The following LSAMP variants were observed in gnomAD, a reference collection of about 807,000 sequenced individuals.
LSAMP encodes limbic system associated membrane protein.
In LSAMP, 7 loss-of-function variants were observed where a neutral mutation model predicts 38.6. The ratio of observed to expected loss-of-function variants is 0.18; its 90% CI spans 0.10 to 0.34. The LOEUF (loss-of-function observed/expected upper bound fraction) is 0.34. Ranked by LOEUF, LSAMP falls within the 10% of genes least tolerant of loss-of-function variation. LSAMP has a pLI of 1.00. For missense variants in LSAMP, 313 were observed against 420.0 expected (o/e 0.75, Z 2.23); for synonymous variants, 154 against 166.8 (o/e 0.92, Z 0.59).
At chr3:116,437,676 G>C (rs2049372634) in intron 1 of LSAMP, among the ~76,000 whole-genome samples, 1 of 151,416 alleles carries the variant, frequency 6.6e-6, no homozygotes, top group Non-Finnish European at 1.5e-5. Context: ...AGAAGGGAAG[G>C]GGAGAGGAGA....
chr3:116,012,064 C>T (rs1940344068), intron 3 of LSAMP, among the ~76,000 whole-genome samples: 2 of 152,166 alleles, frequency 1.3e-5, no homozygotes, highest in African/African-American at 4.8e-5. Context: ...AGGCTTTTGC[C>T]TGTATAGATA....
chr3:116,048,110 G>A (rs983369294), intron 2 of LSAMP, among the ~76,000 whole-genome samples: 2 of 152,176 alleles, frequency 1.3e-5, no homozygotes, highest in African/African-American at 4.8e-5. Context: ...TCTGCCAAAA[G>A]GATGAATTTG....
At chr3:116,209,402 G>T (rs1398317899) in intron 1 of LSAMP, among the ~76,000 whole-genome samples, 1 of 152,326 alleles carries the variant, frequency 6.6e-6, no homozygotes, top group South Asian at 2.1e-4. Context: ...AGCTGTTCCT[G>T]TTCAGCCATC....
intron 1 of LSAMP, among the ~76,000 whole-genome samples, chr3:116,439,482 G>A (rs1197140499): frequency 6.6e-6 from 1 of 151,782 alleles, no homozygotes; most frequent in Non-Finnish European, 1.5e-5. Context: ...TGGAGGTCAA[G>A]CAATCTGCTA....
chr3:115,852,675 T>C, intron 3 of LSAMP, 58 bp from the exon 4 acceptor site: 1 of 1,441,672 alleles, frequency 6.9e-7, no homozygotes, highest in Non-Finnish European at 9.3e-7. Flanking sequence ...CAGTAGATCC[T>C]CTCATTATTC....
chr3:115,903,303 C>T (rs185691879), intron 3 of LSAMP, among the ~76,000 whole-genome samples: 3 of 152,122 alleles, frequency 2.0e-5, no homozygotes, highest in East Asian at 1.9e-4. Context: ...CACATGAACA[C>T]GTAGAGGGGA....
intron 6 of LSAMP, among the ~76,000 whole-genome samples, chr3:115,820,185 G>A (rs1934184378): frequency 6.6e-6 from 1 of 152,030 alleles, no homozygotes; most frequent in Non-Finnish European, 1.5e-5. Context: ...GAACTGCATT[G>A]CCAGGGATAT....
At chr3:116,135,013 A>G (rs1709216959) in intron 1 of LSAMP, among the ~76,000 whole-genome samples, 3 of 152,158 alleles carry the variant, frequency 2.0e-5, no homozygotes, top group Admixed American at 2.0e-4. Context: ...AGGAGTATAG[A>G]AAGCACTCAA....
chr3:116,397,181 T>TAAA (rs2048779829), intron 1 of LSAMP, among the ~76,000 whole-genome samples: 1 of 152,188 alleles, frequency 6.6e-6, no homozygotes, highest in Non-Finnish European at 1.5e-5. Flanking sequence ...CAGTAACCTA[T>TAAA]AAAGCTCTAT....
At chr3:115,837,617 G>C (rs1382576581) in intron 6 of LSAMP, among the ~76,000 whole-genome samples, 2 of 152,058 alleles carry the variant, frequency 1.3e-5, no homozygotes, top group Non-Finnish European at 2.9e-5. Context: ...GGAAGGGATG[G>C]AGCAGTATAA....
At chr3:116,379,590 G>C (rs1036758806) in intron 1 of LSAMP, among the ~76,000 whole-genome samples, 1 of 151,938 alleles carries the variant, frequency 6.6e-6, no homozygotes, top group African/African-American at 2.4e-5. Context: ...AAAATCTGTC[G>C]GGATCAAGTG....
At chr3:116,433,057 T>C (rs1000905395) in intron 1 of LSAMP, among the ~76,000 whole-genome samples, 1 of 152,162 alleles carries the variant, frequency 6.6e-6, no homozygotes. Flanking sequence ...TTGGCAACCA[T>C]ATGTGGCTTA....
intron 1 of LSAMP, among the ~76,000 whole-genome samples, chr3:116,211,050 G>A (rs2046150337): frequency 5.3e-5 from 8 of 150,728 alleles, no homozygotes. Flanking sequence ...CAACATGGAT[G>A]AACCTGGAGG....
intron 1 of LSAMP, among the ~76,000 whole-genome samples, chr3:116,192,022 G>GAAAAAAAA: frequency 6.6e-6 from 1 of 151,224 alleles, no homozygotes. Flanking sequence ...ATTACTGAGG[G>GAAAAAAAA]AAAAAAAAGA....
intron 1 of LSAMP, among the ~76,000 whole-genome samples, chr3:116,104,379 A>G (rs1708415081): frequency 6.6e-6 from 1 of 151,390 alleles, no homozygotes; most frequent in African/African-American, 2.4e-5. Context: ...GTTAGATGCA[A>G]CCCTGCCCAA....
intron 3 of LSAMP, among the ~76,000 whole-genome samples, chr3:115,878,758 AGGT>A (rs1936250913): frequency 3.9e-5 from 6 of 152,008 alleles, no homozygotes. Context: ...CACCACATTC[AGGT>A]GAGAACATGC....
intron 1 of LSAMP, among the ~76,000 whole-genome samples, chr3:116,240,423 C>T (rs2107637347): frequency 6.6e-6 from 1 of 152,122 alleles, no homozygotes; most frequent in Non-Finnish European, 1.5e-5. Flanking sequence ...TTAAAAAAGA[C>T]AATAAGGAAG....
chr3:115,851,110 A>C (rs1191060816), intron 4 of LSAMP, among the ~76,000 whole-genome samples: 45 of 152,056 alleles, frequency 3.0e-4, no homozygotes, highest in Non-Finnish European at 2.9e-5. Flanking sequence ...AGTAACTGGG[A>C]CTACAGGCAC....
intron 1 of LSAMP, among the ~76,000 whole-genome samples, chr3:116,349,480 A>T (rs995988955): frequency 6.7e-6 from 1 of 150,346 alleles, no homozygotes; most frequent in Non-Finnish European, 1.5e-5. Flanking sequence ...CCCCCCAAAA[A>T]AACTACACAC....
Sources: allele counts gnomAD v4.1 joint callset (sites outside exome capture counted in the v4.1 genomes callset), GRCh38; gene constraint gnomAD v4.1.1; transcripts MANE v1.5; gene names NCBI Gene and HGNC (gene_info 2026-07-23, HGNC 2026-07-21).